Variants in ADAMTSL1 observed in about 807,000 individuals in gnomAD.
The protein encoded by ADAMTSL1 is ADAMTS like 1.
Under a neutral mutation model 201.8 loss-of-function variants are expected in ADAMTSL1, and 126 were observed. The ratio of observed to expected loss-of-function variants is 0.62; its 90% CI spans 0.54 to 0.72. The LOEUF (loss-of-function observed/expected upper bound fraction) is 0.72. Among genes scored for constraint, ADAMTSL1 ranks in the 30% least tolerant of loss-of-function variants. The pLI is 0.00. For missense variants in ADAMTSL1, 2,679 were observed against 2,277.8 expected, an observed-to-expected ratio of 1.18 and a Z score of -3.59; for synonymous variants, 1,121 against 903.4, an observed-to-expected ratio of 1.24 and a Z score of -4.32.
intron 2 of ADAMTSL1, among the ~76,000 whole-genome samples, chr9:18,391,490 G>C (rs1197706132): frequency 6.6e-6 from 1 of 152,060 alleles, no homozygotes; most frequent in Non-Finnish European, 1.5e-5. Context: ...CTGTCACCCA[G>C]GCTGGAGAGC....
intron 23 of ADAMTSL1, among the ~76,000 whole-genome samples, chr9:18,857,271 G>A (rs746324909): frequency 1.3e-5 from 2 of 152,140 alleles, no homozygotes; most frequent in Non-Finnish European, 2.9e-5. Context: ...TTCCTTCAAG[G>A]TTTCTCAGTT....
In ADAMTSL1 at chr9:18,710,642, C is replaced by A. The variant is rs529258463; in HGVS notation, c.1876+3594C>A. Among the ~76,000 whole-genome samples the A allele has an allele frequency of 2.1e-5, 3 of 141,838 alleles. No individual in the cohort carries two copies. The East Asian group carries it at 6.1e-4, about 29-fold the overall frequency. 93.1% of individuals were successfully genotyped at this position (141,838 alleles called of 152,430 possible). On this transcript the variant is annotated intron_variant, in intron 14 of 28. Coordinates refer to ENST00000380548, the MANE Select transcript of ADAMTSL1 (RefSeq NM_001040272.6). ...TAGCCCTTACTTTCCCCATTCCTTG[C>A]AGTCTTAGAAGGGCCTAAGTTTTGT...
At chr9:18,836,854 T>G (rs1825340613) in intron 23 of ADAMTSL1, among the ~76,000 whole-genome samples, 1 of 152,206 alleles carries the variant, frequency 6.6e-6, no homozygotes, top group Admixed American at 6.5e-5. Context: ...TTTATTTTTG[T>G]GTATTTTTGT....
intron 1 of ADAMTSL1, among the ~76,000 whole-genome samples, chr9:18,063,982 C>T (rs184174224): frequency 1.3e-5 from 2 of 152,282 alleles, no homozygotes; most frequent in East Asian, 1.9e-4. Context: ...CCCACTGCCT[C>T]CCTTCTCTCC....
chr9:17,927,199 G>T (rs1229723766), intron 1 of ADAMTSL1, among the ~76,000 whole-genome samples: 1 of 152,092 alleles, frequency 6.6e-6, no homozygotes, highest in Non-Finnish European at 1.5e-5. Context: ...TAAACATAAT[G>T]TCCACAGGGC....
intron 1 of ADAMTSL1, among the ~76,000 whole-genome samples, chr9:18,157,258 A>G (rs990163908): frequency 1.3e-5 from 2 of 152,090 alleles, no homozygotes; most frequent in Admixed American, 6.6e-5. Context: ...TGTGAGAATA[A>G]GCTTCTTTAC....
chr9:18,485,178 A>G (rs2153415), intron 1 of ADAMTSL1, among the ~76,000 whole-genome samples: 89,439 of 151,982 alleles, frequency 0.59, 26,617 homozygotes, highest in African/African-American at 0.67. Context: ...GTAGGGGAAG[A>G]GTACAGATTC....
chr9:18,002,253 G>A (rs1052110071), intron 1 of ADAMTSL1, among the ~76,000 whole-genome samples: 1 of 151,956 alleles, frequency 6.6e-6, no homozygotes, highest in Non-Finnish European at 1.5e-5. Context: ...GCCATTATGG[G>A]TAGCCTCCAT....
intron 1 of ADAMTSL1, among the ~76,000 whole-genome samples, chr9:18,095,832 A>G (rs1370987124): frequency 1.3e-5 from 2 of 152,212 alleles, no homozygotes; most frequent in Non-Finnish European, 2.9e-5. Context: ...GGTTTCTTTT[A>G]GTGGGAAATG....
At chr9:18,747,210 C>T (rs183880082) in intron 15 of ADAMTSL1, among the ~76,000 whole-genome samples, 11 of 152,262 alleles carry the variant, frequency 7.2e-5, no homozygotes, top group Admixed American at 2.6e-4. Context: ...CTCTTGTTTA[C>T]GAGCTGTGTG....
intron 2 of ADAMTSL1, among the ~76,000 whole-genome samples, chr9:18,175,827 A>C (rs2132146931): frequency 6.6e-6 from 1 of 152,088 alleles, no homozygotes; most frequent in African/African-American, 2.4e-5. Flanking sequence ...GGCTGCCTGG[A>C]AGACTCTACA....
intron 1 of ADAMTSL1, among the ~76,000 whole-genome samples, chr9:18,055,401 A>G (rs955031508): frequency 5.3e-5 from 8 of 152,216 alleles, no homozygotes; most frequent in Non-Finnish European, 8.8e-5. Context: ...GGAAGTGTGT[A>G]GAAGTAGGGT....
chr9:18,442,188 G>A (rs1820021614), intron 2 of ADAMTSL1, among the ~76,000 whole-genome samples: 1 of 152,198 alleles, frequency 6.6e-6, no homozygotes, highest in Non-Finnish European at 1.5e-5. Flanking sequence ...GTATCAAAGA[G>A]TTTGGTTTAA....
intron 2 of ADAMTSL1, among the ~76,000 whole-genome samples, chr9:18,507,271 G>A (rs780579843): frequency 1.3e-5 from 2 of 152,258 alleles, no homozygotes; most frequent in African/African-American, 4.8e-5. Flanking sequence ...GACCACATTA[G>A]CATATTACCT....
intron 1 of ADAMTSL1, among the ~76,000 whole-genome samples, chr9:18,080,264 T>A (rs78496843): frequency 0.021 from 3,170 of 151,850 alleles, 46 homozygotes; most frequent in Middle Eastern, 0.041. Context: ...ACATATAAGG[T>A]AGAGATATAA....
intron 23 of ADAMTSL1, among the ~76,000 whole-genome samples, chr9:18,844,895 C>T (rs930232472): frequency 9.9e-5 from 15 of 152,204 alleles, no homozygotes; most frequent in South Asian, 4.1e-4. Flanking sequence ...GTCGGAAAAG[C>T]GCAGTATTTG....
At chr9:18,400,251 A>G (rs377528695) in intron 2 of ADAMTSL1, among the ~76,000 whole-genome samples, 2 of 143,732 alleles carry the variant, frequency 1.4e-5, no homozygotes, top group African/African-American at 5.1e-5. Context: ...AAGTATGTGG[A>G]CCATATACTC....
At chr9:17,952,917 CCCTCCTCCTCCTCCTCCTCCTCCT>C (rs59567399) in intron 1 of ADAMTSL1, among the ~76,000 whole-genome samples, 1 of 145,992 alleles carries the variant, frequency 6.8e-6, no homozygotes, top group East Asian at 2.0e-4. Context: ...TTCCTCCTTT[CCCTCCTCCTCCTCCTCCTCCTCCT>C]CCTCCTCCTC....
intron 2 of ADAMTSL1, among the ~76,000 whole-genome samples, chr9:18,169,795 T>G (rs1434841291): frequency 6.6e-6 from 1 of 152,120 alleles, no homozygotes; most frequent in East Asian, 1.9e-4. Flanking sequence ...TCCTCTTCTA[T>G]TTCATTGAGC....
Sources: allele counts gnomAD v4.1 joint callset (sites outside exome capture counted in the v4.1 genomes callset), GRCh38; gene constraint gnomAD v4.1.1; transcripts MANE v1.5; gene names NCBI Gene and HGNC (gene_info 2026-07-23, HGNC 2026-07-21).